TC2N: variants seen among roughly 807,000 people sequenced by gnomAD.
TC2N encodes tandem C2 domains nuclear protein.
TC2N carries 51 observed loss-of-function variants against 61.9 expected under a neutral mutation model. The observed-to-expected ratio is 0.82, with a 90% CI of 0.66 to 1.04. TC2N has a LOEUF of 1.04. TC2N is among the 50% of genes least tolerant of loss of function. TC2N has a pLI of 0.00. For missense variants in TC2N, 556 were observed against 566.7 expected, an observed-to-expected ratio of 0.98 and a Z score of 0.19; for synonymous variants, 204 against 192.6, an observed-to-expected ratio of 1.06 and a Z score of -0.49.
At chr14:91,847,557 C>T (rs543661340) in intron 1 of TC2N, among the ~76,000 whole-genome samples, 6 of 152,280 alleles carry the variant, frequency 3.9e-5, no homozygotes, top group Non-Finnish European at 7.4e-5. Context: ...AAGAGGGCCA[C>T]GTAGAAAAGA....
intron 1 of TC2N, among the ~76,000 whole-genome samples, chr14:91,864,395 T>C (rs1888654156): frequency 6.6e-6 from 1 of 152,080 alleles, no homozygotes; most frequent in African/African-American, 2.4e-5. Context: ...TTTGGTAAGT[T>C]TTCAGATCAG....
intron 4 of TC2N, among the ~76,000 whole-genome samples, chr14:91,801,588 T>C (rs1433707702): frequency 6.6e-6 from 1 of 152,176 alleles, no homozygotes; most frequent in Non-Finnish European, 1.5e-5. Context: ...GGTGTGAGAA[T>C]CACTTGAGCC....
intron 1 of TC2N, among the ~76,000 whole-genome samples, chr14:91,828,384 G>GCAT (rs1386500960): frequency 1.3e-5 from 2 of 151,904 alleles, no homozygotes; most frequent in Admixed American, 1.3e-4. Flanking sequence ...ATTTCAGTAT[G>GCAT]CATCTCTAAT....
chr14:91,789,837 G>A (rs1885559134), intron 9 of TC2N, among the ~76,000 whole-genome samples: 2 of 152,110 alleles, frequency 1.3e-5, no homozygotes, highest in South Asian at 4.1e-4. Context: ...GCACAAAACT[G>A]CTCCTGAATA....
intron 5 of TC2N, among the ~76,000 whole-genome samples, chr14:91,799,517 A>T (rs1886111276): frequency 6.6e-6 from 1 of 152,012 alleles, no homozygotes; most frequent in South Asian, 2.1e-4. Flanking sequence ...TGAATTAAGA[A>T]CTCTGAGGAT....
chr14:91,829,449 AT>A (rs1887651056), intron 1 of TC2N, among the ~76,000 whole-genome samples: 1 of 152,128 alleles, frequency 6.6e-6, no homozygotes, highest in African/African-American at 2.4e-5. Context: ...TGTGGAGTAC[AT>A]CTAATTTCCT....
At chr14:91,843,077 G>A (rs1274698417) in intron 1 of TC2N, among the ~76,000 whole-genome samples, 18 of 151,994 alleles carry the variant, frequency 1.2e-4, no homozygotes, top group Non-Finnish European at 1.8e-4. Flanking sequence ...TTGCCTTCTT[G>A]TACTTCTACC....
Position 91,837,341 on chromosome 14 carries a change from C to T in TC2N, c.-56-23516G>A, listed in dbSNP as rs1434562583. Among the ~76,000 whole-genome samples, 1 of 152,100 alleles carries T rather than the reference C, an allele frequency of 6.6e-6. No homozygotes were observed. Among genetic ancestry groups the T allele is most frequent in the African/African-American group, 2.4e-5 (1 of 41,404 alleles). ...AGTGATCCTCCCACCTCAGCCCCTCCGCCAAGTAGCTGGGAATACAGGCGC... is the reference window on the plus strand; with the variant it reads ...AGTGATCCTCCCACCTCAGCCCCTCTGCCAAGTAGCTGGGAATACAGGCGC... On this transcript the variant is annotated intron_variant, in intron 1 of 11. Transcript: ENST00000435962. This position sits in a 1 kb window ranked among gnomAD's most constrained non-coding sequence, Gnocchi z 4.2.
chr14:91,857,581 TC>T (rs1246192805), intron 1 of TC2N, among the ~76,000 whole-genome samples: 1 of 152,158 alleles, frequency 6.6e-6, no homozygotes, highest in Non-Finnish European at 1.5e-5. Flanking sequence ...GGTATTATTA[TC>T]CCCATTTAAC....
At chr14:91,839,257 T>C (rs1888121287) in intron 1 of TC2N, among the ~76,000 whole-genome samples, 3 of 152,204 alleles carry the variant, frequency 2.0e-5, no homozygotes, top group Admixed American at 2.0e-4. Flanking sequence ...CCATAAACTG[T>C]CGAATTTGCA....
rs1162504990 is a variant in TC2N at position 91,781,021 on chromosome 14, T to C, written c.*2079A>G. The C allele has an allele frequency of 2.0e-5, 3 of 152,120 alleles. No homozygotes were observed. Among genetic ancestry groups the C allele is most frequent in the Middle Eastern group, 3.2e-3 (1 of 316 alleles). The allele number at this position is 152,120 out of a possible 1,614,324, so 9.4% of individuals were successfully genotyped here. A position where few individuals can be genotyped will look rare whatever the true frequency, so the allele number is the denominator to read the frequency against. On this transcript the variant is annotated 3_prime_UTR_variant, in exon 12 of 12. Coordinates refer to ENST00000435962, the MANE Select transcript of TC2N (RefSeq NM_001128596.3). ...AGGATTCTAAGAAACTGAGAAGTCA[T>C]AGCTTTCCCTTAAATTATACATCAT...
intron 4 of TC2N, among the ~76,000 whole-genome samples, chr14:91,800,771 T>C (rs1198159283): frequency 6.6e-6 from 1 of 152,062 alleles, no homozygotes; most frequent in Non-Finnish European, 1.5e-5. Context: ...TGTGCTCCTA[T>C]ATTTCTAGTC....
intron 1 of TC2N, among the ~76,000 whole-genome samples, chr14:91,852,572 C>A (rs920544578): frequency 6.6e-6 from 1 of 152,176 alleles, no homozygotes; most frequent in Non-Finnish European, 1.5e-5. Context: ...ACCAATAGAT[C>A]ACTAACTGGT....
In TC2N at chr14:91,792,425, G is replaced by GTTC; in HGVS notation, c.986_988dup (p.Arg329dup). ...GTAATCCATTTCCTGTGTGCTAAGG[G>GTTC]TTCTGAGTGACATTGAGCATTCTCC... On this transcript the variant is annotated inframe_insertion, in exon 9 of 12. Coordinates refer to ENST00000435962, the MANE Select transcript of TC2N (RefSeq NM_001128596.3). 1.2e-6 allele frequency: 2 copies of GTTC among 1,610,572 alleles called. No homozygotes were observed. The highest frequency in any genetic ancestry group is 4.5e-5 in the East Asian group (2 of 44,786).
intron 1 of TC2N, among the ~76,000 whole-genome samples, chr14:91,852,146 G>A (rs1196475836): frequency 2.6e-5 from 4 of 152,200 alleles, no homozygotes; most frequent in African/African-American, 4.8e-5. Flanking sequence ...ATAAAAATGC[G>A]GCCAAGCGCG....
chr14:91,834,550 TCA>T (rs1887923916), intron 1 of TC2N, among the ~76,000 whole-genome samples: 2 of 152,142 alleles, frequency 1.3e-5, no homozygotes, highest in South Asian at 4.1e-4. Context: ...GATTCTAAAC[TCA>T]CATTTACTTG....
intron 9 of TC2N, among the ~76,000 whole-genome samples, chr14:91,789,592 CAGAG>C (rs200824766): frequency 0.019 from 2,845 of 148,190 alleles, 82 homozygotes; most frequent in African/African-American, 0.067. Flanking sequence ...GCCTGGGCGA[CAGAG>C]AGAGACTCCA....
chr14:91,803,521 C>T (rs903973338), intron 3 of TC2N, among the ~76,000 whole-genome samples: 2 of 151,964 alleles, frequency 1.3e-5, no homozygotes, highest in East Asian at 3.9e-4. Context: ...GGCATGATCT[C>T]GGCTCACTGA....
intron 1 of TC2N, among the ~76,000 whole-genome samples, chr14:91,854,433 AAGG>A (rs1420643333): frequency 3.0e-5 from 3 of 99,386 alleles, no homozygotes; most frequent in Non-Finnish European, 6.0e-5. Flanking sequence ...GGGGGAGGGG[AAGG>A]AGGAGGAGGA....
Sources: allele counts gnomAD v4.1 joint callset (sites outside exome capture counted in the v4.1 genomes callset), GRCh38; gene constraint gnomAD v4.1.1; non-coding constraint Gnocchi (gnomAD v3.1); transcripts MANE v1.5; gene names NCBI Gene and HGNC (gene_info 2026-07-23, HGNC 2026-07-21).